WRN: variants seen among roughly 807,000 people sequenced by gnomAD.
WRN encodes bifunctional 3'-5' exonuclease/ATP-dependent helicase WRN.
In WRN, 149 loss-of-function variants were observed where a neutral mutation model predicts 180.7. The ratio of observed to expected loss-of-function variants is 0.82; its 90% CI spans 0.72 to 0.94. The LOEUF is 0.94. WRN is among the 40% of genes least tolerant of loss of function. The pLI, the probability that WRN is intolerant of heterozygous loss-of-function variation, is 0.00. For synonymous variants in WRN, 548 were observed against 568.9 expected, an observed-to-expected ratio of 0.96 and a Z score of 0.52; for missense variants, 1,661 against 1,700.1, an observed-to-expected ratio of 0.98 and a Z score of 0.40.
intron 8 of WRN, among the ~76,000 whole-genome samples, chr8:31,080,260 A>G (rs1447651663): frequency 6.6e-6 from 1 of 152,176 alleles, no homozygotes; most frequent in East Asian, 1.9e-4. Flanking sequence ...TTCATTATAT[A>G]CAGGCCAGCT....
chr8:31,163,495 G>A (rs908537043), intron 33 of WRN, among the ~76,000 whole-genome samples: 1 of 151,798 alleles, frequency 6.6e-6, no homozygotes, highest in Non-Finnish European at 1.5e-5. Flanking sequence ...CTTTTTACTC[G>A]TGTTAAAGTT....
At chr8:31,101,668 T>A (rs547001702) in intron 18 of WRN, among the ~76,000 whole-genome samples, 2 of 151,348 alleles carry the variant, frequency 1.3e-5, no homozygotes, top group East Asian at 3.9e-4. Flanking sequence ...GTGCCTGTAA[T>A]CCCAGCTACT....
chr8:31,081,397 C>G, intron 9 of WRN, 101 bp downstream of exon 9: 1 of 1,260,996 alleles, frequency 7.9e-7, no homozygotes. Context: ...CTTTGTGGGA[C>G]ATACAGTCTC....
chr8:31,167,734 G>GATGTACGTTT (rs1803955146), intron 34 of WRN, among the ~76,000 whole-genome samples: 1 of 152,026 alleles, frequency 6.6e-6, no homozygotes, highest in Non-Finnish European at 1.5e-5. Flanking sequence ...TACAAATTTA[G>GATGTACGTTT]TATTATGTTA....
intron 13 of WRN, 49 bp downstream of exon 13, chr8:31,089,014 A>C (rs1012960049): frequency 1.3e-6 from 2 of 1,537,832 alleles, no homozygotes; most frequent in Non-Finnish European, 1.8e-6. Context: ...ATTCTCTTTA[A>C]AACAAGGGAA....
intron 3 of WRN, 140 bp downstream of exon 3, chr8:31,059,405 AG>A: frequency 1.5e-6 from 1 of 671,550 alleles, no homozygotes; most frequent in Admixed American, 2.5e-5. Context: ...ACTATCACCA[AG>A]TTTTACATTT....
At chr8:31,116,714 G>A (rs533014107) in intron 20 of WRN, among the ~76,000 whole-genome samples, 186 bp downstream of exon 20, 1 of 152,330 alleles carries the variant, frequency 6.6e-6, no homozygotes, top group South Asian at 2.1e-4. Flanking sequence ...GTGCTTAGGT[G>A]CACAGAGGAG....
chr8:31,172,513 C>T (rs1436992315), intron 34 of WRN, among the ~76,000 whole-genome samples: 1 of 152,178 alleles, frequency 6.6e-6, no homozygotes, highest in Non-Finnish European at 1.5e-5. Context: ...GTTAAGCGTA[C>T]TATGCCTTGG....
intron 18 of WRN, among the ~76,000 whole-genome samples, chr8:31,108,520 C>T (rs1801181905): frequency 6.6e-6 from 1 of 151,734 alleles, no homozygotes; most frequent in African/African-American, 2.4e-5. Flanking sequence ...CCAAGAACCA[C>T]TGATAACTAG....
chr8:31,152,727 T>C (rs1013701568), intron 31 of WRN, among the ~76,000 whole-genome samples: 1 of 152,186 alleles, frequency 6.6e-6, no homozygotes, highest in African/African-American at 2.4e-5. Flanking sequence ...GTTAAGAGAC[T>C]ACTTAAGGCA....
At chr8:31,084,273 A>T (rs1813436485) in intron 10 of WRN, among the ~76,000 whole-genome samples, 1 of 152,188 alleles carries the variant, frequency 6.6e-6, no homozygotes, top group African/African-American at 2.4e-5. Flanking sequence ...TGCTGGGATT[A>T]CAGGTGTGAG....
chr8:31,142,683 A>G lies in WRN; in HGVS notation c.3291A>G (p.Glu1097=). Residue 1097 remains glutamate, a synonymous_variant, in exon 27 of 35, where the codon GAA becomes GAG. Coordinates refer to ENST00000298139, the MANE Select transcript of WRN (RefSeq NM_000553.6). ...KEHCYNQVPV[E]LSTEKKSNLE... Reference sequence around the variant, plus strand: ...ATTGTTATAATCAAGTACCAGTTGAATTAAGTACAGAGAAGAAGGTTTGTT... The same window carrying G: ...ATTGTTATAATCAAGTACCAGTTGAGTTAAGTACAGAGAAGAAGGTTTGTT... The G allele has an allele frequency of 6.2e-7, 1 of 1,604,768 alleles. No homozygotes were observed. Among genetic ancestry groups the G allele is most frequent in the Non-Finnish European group, 8.5e-7 (1 of 1,175,506 alleles).
At chr8:31,082,045 G>C (rs900738597) in intron 9 of WRN, among the ~76,000 whole-genome samples, 32 of 152,320 alleles carry the variant, frequency 2.1e-4, no homozygotes, top group African/African-American at 7.2e-4. Flanking sequence ...ATAGGTGTGA[G>C]TCACTGTGCC....
At chr8:31,064,836 A>T in intron 4 of WRN, 79 bp from the exon 5 acceptor site, 1 of 1,471,598 alleles carries the variant, frequency 6.8e-7, no homozygotes. Context: ...TTTACACATA[A>T]ACATGGTATG....
chr8:31,111,666 A>G lies in WRN; in HGVS notation c.2140A>G (p.Ile714Val), dbSNP rs752472638. 7 of 1,614,086 alleles carry G rather than the reference A, an allele frequency of 4.3e-6. No individual in the cohort carries two copies. The highest frequency in any genetic ancestry group is 1.7e-4 in the Middle Eastern group (1 of 6,056). The change falls in exon 19 of 35, where the codon ATT becomes GTT. Residue 714 changes from isoleucine (I) to valine (V), a missense_variant. Ile to Val is a conservative substitution (Grantham distance 29, BLOSUM62 3). Around this residue, in one of 3 missense-constraint regions of WRN, gnomAD observed 1,141 missense variants for 1,149.4 expected, o/e 0.99. Coordinates refer to ENST00000298139, the MANE Select transcript of WRN (RefSeq NM_000553.6). ...TGCAAGTTCTTCAATCCGGGAAGAC[A>G]TTGTACGTTGCTTAAATCTGAGAAA... is the stretch of plus-strand genomic sequence containing the variant. Reference protein sequence around the residue: ...ATASSSIREDIVRCLNLRNPQ... With the variant: ...ATASSSIREDVVRCLNLRNPQ...
chr8:31,168,519 G>T (rs148718930), intron 34 of WRN, among the ~76,000 whole-genome samples: 12 of 151,778 alleles, frequency 7.9e-5, no homozygotes, highest in Admixed American at 3.3e-4. Flanking sequence ...GGGTATTTTG[G>T]GGGGGGTTGG....
intron 34 of WRN, chr8:31,171,073 C>T (rs562756004): frequency 5.3e-5 from 8 of 152,226 alleles, no homozygotes; most frequent in South Asian, 2.1e-4. Flanking sequence ...TCTGTGAAGA[C>T]GTTGAAGCTT....
chr8:31,057,782 T>G (rs941163650), intron 1 of WRN, among the ~76,000 whole-genome samples: 1 of 152,004 alleles, frequency 6.6e-6, no homozygotes, highest in African/African-American at 2.4e-5. Context: ...GTTTGAGAGA[T>G]TCTTATTCAC....
At chr8:31,136,961 T>G (rs1270431733) in intron 24 of WRN, among the ~76,000 whole-genome samples, 1 of 152,152 alleles carries the variant, frequency 6.6e-6, no homozygotes, top group African/African-American at 2.4e-5. Context: ...CAAAATTAAC[T>G]AAACACTTAA....
Sources: allele counts gnomAD v4.1 joint callset (sites outside exome capture counted in the v4.1 genomes callset), GRCh38; gene constraint gnomAD v4.1.1; regional missense constraint gnomAD v4.1.1; transcripts MANE v1.5; gene names NCBI Gene and HGNC (gene_info 2026-07-23, HGNC 2026-07-21).